The following MAP3K11 variants were observed in gnomAD, a reference collection of about 807,000 sequenced individuals.
MAP3K11 encodes mitogen-activated protein kinase kinase kinase 11, also known as SH3 domain-containing proline-rich kinase.
MAP3K11 carries 46 observed loss-of-function variants against 84.9 expected under a neutral mutation model. That is an observed-to-expected ratio of 0.54 (90% CI 0.43 to 0.69). The LOEUF (loss-of-function observed/expected upper bound fraction) is 0.69. Ranked by LOEUF, MAP3K11 falls within the 30% of genes least tolerant of loss-of-function variation. MAP3K11 has a pLI of 0.00. For missense variants in MAP3K11, 1,053 were observed against 1,198.3 expected (o/e 0.88, Z 1.79); for synonymous variants, 527 against 514.7 (o/e 1.02, Z -0.32).
At chr11:65,606,652 T>TG (rs765969079) in intron 6 of MAP3K11, 39 bp downstream of exon 6, 2 of 1,422,584 alleles carry the variant, frequency 1.4e-6, no homozygotes, top group Non-Finnish European at 1.9e-6. Flanking sequence ...AATAAGGAGC[T>TG]GGGGGGCGGA....
chr11:65,606,657 G>A, intron 6 of MAP3K11, 34 bp downstream of exon 6: 2 of 1,440,590 alleles, frequency 1.4e-6, no homozygotes, highest in Non-Finnish European at 1.9e-6. Flanking sequence ...GGAGCTGGGG[G>A]GCGGAGAGGG....
At position 65,598,204 on chromosome 11, in the gene MAP3K11, G is replaced by C. The variant is rs1854405077; in HGVS notation, c.*87C>G. On this transcript the variant is annotated 3_prime_UTR_variant, in exon 10 of 10. Coordinates refer to ENST00000309100, the MANE Select transcript of MAP3K11 (RefSeq NM_002419.4). Reference sequence around the variant, plus strand: ...TGGGGTCCCTGGGGAAACTGAGGCAGCTGCAGAGGCTGACCCAGCTCCTGT... The same window carrying C: ...TGGGGTCCCTGGGGAAACTGAGGCACCTGCAGAGGCTGACCCAGCTCCTGT... The C allele has an allele frequency of 1.7e-6, 2 of 1,157,382 alleles. No homozygotes were observed. The highest frequency in any genetic ancestry group is 2.3e-6 in the Non-Finnish European group (2 of 885,638). 71.7% of individuals were successfully genotyped at this position (1,157,382 alleles called of 1,614,324 possible).
chr11:65,603,787 G>A (rs983896880), intron 8 of MAP3K11, among the ~76,000 whole-genome samples: 3 of 152,270 alleles, frequency 2.0e-5, no homozygotes, highest in Non-Finnish European at 4.4e-5. Flanking sequence ...TCATCAGCCA[G>A]GAAGGGCACT....
rs34178129 is a variant in MAP3K11 at position 65,613,305 on chromosome 11, T to A, written c.452A>T (p.Asp151Val). Residue 151 changes from aspartate (D) to valine (V), a missense_variant, in exon 1 of 10, where the codon GAT becomes GTT. By Grantham distance (152) the Asp-to-Val change is radical. Around this residue, in one of 3 missense-constraint regions of MAP3K11, gnomAD observed 310 missense variants for 464.5 expected, o/e 0.67. Coordinates refer to ENST00000309100, the MANE Select transcript of MAP3K11 (RefSeq NM_002419.4). ...CTCGGCTGTCACACTGATGTCCTCA[T>A]CGGGGTCCTGGCGAGCTGCCTTCAC... ...VAVKAARQDP[D>V]EDISVTAESV... is the part of the protein sequence containing the mutation. 6 of 1,613,138 alleles carry A rather than the reference T, an allele frequency of 3.7e-6. No individual in the cohort carries two copies. The highest frequency in any genetic ancestry group is 1.3e-5 in the African/African-American group (1 of 74,936).
Position 65,613,795 on chromosome 11 carries a change from C to T in MAP3K11, c.-39G>A, listed in dbSNP as rs946399688. The T allele has an allele frequency of 6.7e-7, 1 of 1,491,208 alleles. No homozygotes were observed. The highest frequency in any genetic ancestry group is 8.9e-7 in the Non-Finnish European group (1 of 1,125,918). The allele number at this position is 1,491,208 out of a possible 1,614,324, so 92.4% of individuals were successfully genotyped here. ...CGCTGGGATGTGTGGAGGACCTTCT[C>T]TGGGTGCCCGTGGTCCCCACCCCCG... On this transcript the variant is annotated 5_prime_UTR_variant, in exon 1 of 10. Coordinates refer to ENST00000309100, the MANE Select transcript of MAP3K11 (RefSeq NM_002419.4).
intron 8 of MAP3K11, among the ~76,000 whole-genome samples, chr11:65,603,319 G>A (rs895615908): frequency 1.3e-5 from 2 of 152,232 alleles, no homozygotes; most frequent in Admixed American, 1.3e-4. Context: ...AGAAAGCTGC[G>A]TGACTATTCT....
chr11:65,609,434 CG>C (rs1431789707), intron 1 of MAP3K11: 5 of 152,146 alleles, frequency 3.3e-5, no homozygotes, highest in Non-Finnish European at 5.9e-5. Flanking sequence ...TAAATGTAGG[CG>C]TGGATGGTCA....
At chr11:65,610,942 G>A (rs887600649) in intron 1 of MAP3K11, 3 of 152,424 alleles carry the variant, frequency 2.0e-5, no homozygotes, top group Non-Finnish European at 4.4e-5. Context: ...GTCCCAACTC[G>A]AACTGCTGTT....
chr11:65,604,525 G>C (rs1225476905), intron 8 of MAP3K11, among the ~76,000 whole-genome samples: 1 of 152,262 alleles, frequency 6.6e-6, no homozygotes, highest in African/African-American at 2.4e-5. Flanking sequence ...AGACAGGCAA[G>C]AGCAGATCAA....
chr11:65,598,636 G>C lies in MAP3K11; in HGVS notation c.2207-8C>G, dbSNP rs755778741. 3.4e-6 allele frequency: 5 copies of C among 1,480,876 alleles called. No homozygotes were observed. The highest frequency in any genetic ancestry group is 4.5e-6 in the Non-Finnish European group (5 of 1,107,556). The allele number at this position is 1,480,876 out of a possible 1,614,324, so 91.7% of individuals were successfully genotyped here. ...GGGGTGAGACAGTGCCTCCTGTGAG[G>C]ATATAGGAGGGGCACAGGGTCAAGC... On this transcript the variant is annotated splice_region_variant and splice_polypyrimidine_tract_variant and intron_variant, in intron 9 of 9. Coordinates refer to ENST00000309100, the MANE Select transcript of MAP3K11 (RefSeq NM_002419.4).
intron 5 of MAP3K11, 153 bp from the exon 6 acceptor site, chr11:65,606,957 C>A: frequency 1.7e-6 from 1 of 597,112 alleles, no homozygotes; most frequent in Non-Finnish European, 2.9e-6. Flanking sequence ...TTCTTGAGCC[C>A]CTGGGTCTGG....
chr11:65,608,100 C>T (rs1336177334), intron 2 of MAP3K11, 30 bp from the exon 3 acceptor site: 3 of 1,607,552 alleles, frequency 1.9e-6, no homozygotes, highest in African/African-American at 1.3e-5. Context: ...TCTGTGTTCC[C>T]TTTTCTCTCC....
At chr11:65,598,924 G>A (rs745680257) in intron 9 of MAP3K11, among the ~76,000 whole-genome samples, 13 of 152,180 alleles carry the variant, frequency 8.5e-5, no homozygotes, top group Non-Finnish European at 1.8e-4. Flanking sequence ...GCATCCAGGA[G>A]CGCTTAGTTC....
At chr11:65,612,958 G>A in intron 1 of MAP3K11, 60 bp downstream of exon 1, 1 of 1,487,828 alleles carries the variant, frequency 6.7e-7, no homozygotes, top group South Asian at 1.4e-5. Context: ...CTCAGTGGAA[G>A]GTTGGGAGCA....
chr11:65,607,501 G>A lies in MAP3K11; in HGVS notation c.1258C>T (p.Arg420Cys). ...LRAKEKELLS[R>C]EEELTRAARE... ...GCCGCTCGCGTCAGCTCCTCCTCGC[G>A]GCTCAGTAGTTCCTGCGCCCGAGAC... is the stretch of plus-strand genomic sequence containing the variant. Residue 420 changes from arginine (R) to cysteine (C), a missense_variant, in exon 5 of 10, where the codon CGC becomes TGC. Physicochemically the swap from Arg to Cys is radical, Grantham distance 180. Coordinates refer to ENST00000309100, the MANE Select transcript of MAP3K11 (RefSeq NM_002419.4). 1 of 1,573,262 alleles carries A rather than the reference G, an allele frequency of 6.4e-7. No homozygotes were observed. Among genetic ancestry groups the A allele is most frequent in the Non-Finnish European group, 8.6e-7 (1 of 1,167,940 alleles).
chr11:65,604,574 ATCTC>A (rs1474217166), intron 8 of MAP3K11, among the ~76,000 whole-genome samples: 6 of 152,174 alleles, frequency 3.9e-5, no homozygotes, highest in Admixed American at 3.9e-4. Flanking sequence ...AAACCACTTA[ATCTC>A]TCTGTGCCTC....
At chr11:65,600,632 G>C (rs1278779836) in intron 8 of MAP3K11, among the ~76,000 whole-genome samples, 1 of 152,234 alleles carries the variant, frequency 6.6e-6, no homozygotes, top group Non-Finnish European at 1.5e-5. Flanking sequence ...CTTGGGCAGG[G>C]ATGGGGAACC....
chr11:65,602,798 CCTT>C (rs914487612), intron 8 of MAP3K11, among the ~76,000 whole-genome samples: 2 of 147,946 alleles, frequency 1.4e-5, no homozygotes, highest in African/African-American at 2.6e-5. Context: ...GAACAAGACT[CCTT>C]CTAAAAAAAA....
At chr11:65,605,537 G>T in intron 8 of MAP3K11, 1 of 474,114 alleles carries the variant, frequency 2.1e-6, no homozygotes, top group South Asian at 3.2e-5. Context: ...GAGACTCTGG[G>T]CCCCGAGCCG....
Sources: allele counts gnomAD v4.1 joint callset (sites outside exome capture counted in the v4.1 genomes callset), GRCh38; gene constraint gnomAD v4.1.1; regional missense constraint gnomAD v4.1.1; transcripts MANE v1.5; gene names NCBI Gene and HGNC (gene_info 2026-07-23, HGNC 2026-07-21).